Variants in UGGT2 observed in about 807,000 individuals in gnomAD.
UGGT2 encodes the protein UDP-glucose:glycoprotein glucosyltransferase 2.
Under a neutral mutation model 192.1 loss-of-function variants are expected in UGGT2, and 180 were observed. The observed-to-expected ratio is 0.94, with a 90% CI of 0.83 to 1.06. UGGT2 has a LOEUF of 1.06. Ranked by LOEUF, UGGT2 falls within the 50% of genes least tolerant of loss-of-function variation. The pLI is 0.00. For missense variants in UGGT2, 1,849 were observed against 1,795.7 expected, an observed-to-expected ratio of 1.03 and a Z score of -0.54; for synonymous variants, 580 against 591.0, an observed-to-expected ratio of 0.98 and a Z score of 0.27.
chr13:95,892,124 C>A (rs2047818976), intron 24 of UGGT2, among the ~76,000 whole-genome samples: 2 of 152,210 alleles, frequency 1.3e-5, no homozygotes, highest in African/African-American at 4.8e-5. Context: ...CCACTCAAAA[C>A]TGGTCATTTT....
chr13:96,033,362 G>T (rs2052897355), intron 1 of UGGT2, among the ~76,000 whole-genome samples: 1 of 152,206 alleles, frequency 6.6e-6, no homozygotes, highest in Admixed American at 6.5e-5. Context: ...CAAGGAACAG[G>T]TGGAAGCCCC....
chr13:95,888,635 A>G (rs2047715071), intron 25 of UGGT2, among the ~76,000 whole-genome samples: 1 of 152,204 alleles, frequency 6.6e-6, no homozygotes, highest in African/African-American at 2.4e-5. Context: ...TTCTTATTCT[A>G]TCACTCATCA....
chr13:95,864,307 T>C (rs988300997), intron 30 of UGGT2, among the ~76,000 whole-genome samples: 1 of 152,190 alleles, frequency 6.6e-6, no homozygotes, highest in African/African-American at 2.4e-5. Flanking sequence ...ATTGATAACA[T>C]TTACATTTAG....
At chr13:95,903,519 T>A (rs894287234) in intron 20 of UGGT2, among the ~76,000 whole-genome samples, 1 of 152,210 alleles carries the variant, frequency 6.6e-6, no homozygotes, top group Admixed American at 6.5e-5. Context: ...TTCTTTATAG[T>A]TTATCCCCTA....
In UGGT2 at chr13:95,867,228, A is replaced by C. The variant is rs1468917656; in HGVS notation, c.3558+111T>G. Reference sequence around the variant, plus strand: ...TGCTGGAGTTCAAATATAACATTTTAGGTTGTAAAATTGTAAAGTTAATTG... The same window carrying C: ...TGCTGGAGTTCAAATATAACATTTTCGGTTGTAAAATTGTAAAGTTAATTG... On this transcript the variant is annotated intron_variant, in intron 30 of 38. Transcript: ENST00000376747. 10 of 939,518 alleles carry C rather than the reference A, an allele frequency of 1.1e-5. No individual in the cohort carries two copies. In the African/African-American group the frequency reaches 1.7e-4, roughly 16 times the overall value. 58.2% of individuals were successfully genotyped at this position (939,518 alleles called of 1,614,324 possible).
At chr13:96,031,141 T>C (rs1193017432) in intron 2 of UGGT2, among the ~76,000 whole-genome samples, 1 of 152,152 alleles carries the variant, frequency 6.6e-6, no homozygotes, top group East Asian at 1.9e-4. Flanking sequence ...GCTATTTATG[T>C]GTAGGGGAAG....
intron 20 of UGGT2, among the ~76,000 whole-genome samples, chr13:95,905,162 A>G (rs1391238952): frequency 3.3e-5 from 5 of 151,844 alleles, no homozygotes; most frequent in Non-Finnish European, 5.9e-5. Context: ...TTTCGTGTAA[A>G]TTTGTTTGCA....
At chr13:95,940,897 TAGTA>T (rs1417454072) in intron 15 of UGGT2, among the ~76,000 whole-genome samples, 1 of 152,158 alleles carries the variant, frequency 6.6e-6, no homozygotes, top group South Asian at 2.1e-4. Context: ...CAGGCCTTAC[TAGTA>T]AGTATTTTGA....
At chr13:95,944,123 T>C (rs764861323) in intron 15 of UGGT2, among the ~76,000 whole-genome samples, 9 of 152,054 alleles carry the variant, frequency 5.9e-5, no homozygotes, top group Non-Finnish European at 1.2e-4. Context: ...ATTTACTTTT[T>C]ATATACCTGC....
chr13:95,828,468 A>C (rs921801043), intron 38 of UGGT2, among the ~76,000 whole-genome samples: 1 of 152,190 alleles, frequency 6.6e-6, no homozygotes, highest in Non-Finnish European at 1.5e-5. Flanking sequence ...AGATGCAATA[A>C]AAAATGATAA....
In UGGT2 at chr13:95,894,557, C is replaced by T; in HGVS notation, c.2855+5G>A. The T allele has an allele frequency of 6.2e-7, 1 of 1,607,768 alleles. No individual in the cohort carries two copies. Among genetic ancestry groups the T allele is most frequent in the Admixed American group, 1.7e-5 (1 of 59,468 alleles). ...AATCACAAACAAATACGAATACATT[C>T]TTACCTGTGATTCTCCCTAAGAAAT... On this transcript the variant is annotated splice_donor_5th_base_variant and intron_variant, in intron 24 of 38. Transcript: ENST00000376747.
At chr13:96,043,675 A>G (rs1423511991) in intron 1 of UGGT2, among the ~76,000 whole-genome samples, 1 of 152,206 alleles carries the variant, frequency 6.6e-6, no homozygotes, top group Non-Finnish European at 1.5e-5. Context: ...AGAAAAAGAT[A>G]TTCCATGCAA....
In UGGT2 at chr13:95,819,157, A is replaced by C. The variant is rs1376476804; in HGVS notation, c.4528+13770T>G. 3.3e-5 allele frequency among the ~76,000 whole-genome samples: 5 copies of C among 152,346 alleles called. No individual in the cohort carries two copies. The South Asian group carries it at 1.0e-3, about 32-fold the overall frequency. Reference sequence around the variant, plus strand: ...TTCCAAGATGAGCTAAAAAGTTTTTAAATATTGATAATATATTACCTTTCT... The same window carrying C: ...TTCCAAGATGAGCTAAAAAGTTTTTCAATATTGATAATATATTACCTTTCT... On this transcript the variant is annotated intron_variant, in intron 38 of 38. Transcript: ENST00000376747.
At chr13:95,912,845 A>G (rs2048548431) in intron 20 of UGGT2, among the ~76,000 whole-genome samples, 1 of 152,206 alleles carries the variant, frequency 6.6e-6, no homozygotes, top group Non-Finnish European at 1.5e-5. Flanking sequence ...CTATACTACA[A>G]GGCTACAGTA....
Position 95,991,736 on chromosome 13 carries a change from CA to C in UGGT2, c.831-1664del, listed in dbSNP as rs535978665. On this transcript the variant is annotated intron_variant, in intron 7 of 38. Coordinates refer to ENST00000376747, the MANE Select transcript of UGGT2 (RefSeq NM_020121.4). ...TATAAGTTTATAAGAGCTACTATAC[CA>C]ATTTTCATATTTAATCATCATCTTA... Among the ~76,000 whole-genome samples the C allele has an allele frequency of 2.0e-5, 3 of 152,084 alleles. No homozygotes were observed. In the East Asian group the frequency reaches 5.8e-4, roughly 29 times the overall value.
chr13:95,965,992 C>A (rs976795137), intron 12 of UGGT2, among the ~76,000 whole-genome samples: 1 of 151,972 alleles, frequency 6.6e-6, no homozygotes, highest in Non-Finnish European at 1.5e-5. Context: ...GGAGATTCCT[C>A]AAAAATCTAA....
At chr13:95,959,046 C>T (rs989156323) in intron 12 of UGGT2, among the ~76,000 whole-genome samples, 11 of 152,186 alleles carry the variant, frequency 7.2e-5, no homozygotes, top group African/African-American at 2.2e-4. Context: ...TGCAGTATGG[C>T]ATCATTTTGA....
At chr13:95,853,446 A>T in intron 36 of UGGT2, 97 bp downstream of exon 36, 1 of 928,718 alleles carries the variant, frequency 1.1e-6, no homozygotes, top group South Asian at 1.8e-5. Context: ...GTAAATTGAG[A>T]AAAAACTCAA....
chr13:96,053,086 C>G, intron 1 of UGGT2, 69 bp downstream of exon 1: 1 of 1,399,390 alleles, frequency 7.1e-7, no homozygotes, highest in Non-Finnish European at 9.2e-7. Context: ...GCTGCGAGCA[C>G]GAAGAAAGCG....
Sources: allele counts gnomAD v4.1 joint callset (sites outside exome capture counted in the v4.1 genomes callset), GRCh38; gene constraint gnomAD v4.1.1; transcripts MANE v1.5; gene names NCBI Gene and HGNC (gene_info 2026-07-23, HGNC 2026-07-21).